Variants in NDUFAF6 observed in about 807,000 individuals in gnomAD.
NDUFAF6 encodes NADH:ubiquinone oxidoreductase complex assembly factor 6.
NDUFAF6 carries 45 observed loss-of-function variants against 40.8 expected under a neutral mutation model. That is an observed-to-expected ratio of 1.10 (90% CI 0.87 to 1.42). The LOEUF is 1.42. Among genes scored for constraint, NDUFAF6 ranks in the 40% most tolerant of loss-of-function variants. NDUFAF6 has a pLI of 0.00. For synonymous variants in NDUFAF6, 185 were observed against 155.9 expected (o/e 1.19, Z -1.39); for missense variants, 435 against 418.5 (o/e 1.04, Z -0.34).
At chr8:95,050,803 A>G (rs560783025) in intron 7 of NDUFAF6, among the ~76,000 whole-genome samples, 1 of 152,300 alleles carries the variant, frequency 6.6e-6, no homozygotes, top group African/African-American at 2.4e-5. Flanking sequence ...ACATTTATAT[A>G]TATATGTATA....
downstream of NDUFAF6, among the ~76,000 whole-genome samples, chr8:95,080,449 GATTTTTGTAGTGT>G (rs758969708): frequency 0.14 from 14,180 of 104,182 alleles, 1,244 homozygotes; most frequent in Middle Eastern, 0.3. Flanking sequence ...TTTTTGTAGT[GATTTTTGTAGTGT>G]ATTTTTGTAG....
chr8:94,912,576 C>T (rs1438419713), intron 1 of NDUFAF6, among the ~76,000 whole-genome samples: 2 of 151,768 alleles, frequency 1.3e-5, no homozygotes, highest in African/African-American at 2.4e-5. Flanking sequence ...GTTGGCAGAT[C>T]ACGAGGTCAA....
In NDUFAF6 at chr8:95,101,908, C is replaced by G. The variant is rs544180675; in HGVS notation, n.230+682C>G. ...CCAGTGCCATCAGGGCCTGGTGTCA[C>G]CTGCCATCTGTGTCATTCACAGTTC... is the stretch of plus-strand genomic sequence containing the variant. On this transcript the variant is annotated intron_variant and non_coding_transcript_variant, in intron 2 of 2. Transcript: ENST00000521063. Among the ~76,000 whole-genome samples the G allele has an allele frequency of 2.0e-5, 3 of 152,332 alleles. No individual in the cohort carries two copies. In the South Asian group the frequency reaches 6.2e-4, roughly 32 times the overall value.
At chr8:95,100,226 A>G (rs1199450716), upstream of NDUFAF6, among the ~76,000 whole-genome samples, 1 of 151,846 alleles carries the variant, frequency 6.6e-6, no homozygotes, top group Non-Finnish European at 1.5e-5. Context: ...TTAGGTTTTA[A>G]AAGTGATTTC....
chr8:95,096,352 C>T (rs896379516), upstream of NDUFAF6, among the ~76,000 whole-genome samples: 4 of 152,122 alleles, frequency 2.6e-5, no homozygotes, highest in East Asian at 7.7e-4. Context: ...GTTTCTCCGC[C>T]TCCCTGCAAC....
chr8:95,004,815 C>T (rs1340769149), intron 2 of NDUFAF6, among the ~76,000 whole-genome samples: 1 of 152,200 alleles, frequency 6.6e-6, no homozygotes, highest in East Asian at 1.9e-4. Context: ...GATTTAGCAA[C>T]TGATTCCCCA....
chr8:94,984,935 C>T (rs73697052), intron 2 of NDUFAF6, among the ~76,000 whole-genome samples: 3,826 of 152,120 alleles, frequency 0.025, 137 homozygotes, highest in African/African-American at 0.086. Flanking sequence ...TACCTCCTGC[C>T]TCAGGTGGCA....
chr8:94,950,549 G>C (rs1263985998), intron 2 of NDUFAF6, among the ~76,000 whole-genome samples: 1 of 152,202 alleles, frequency 6.6e-6, no homozygotes, highest in Non-Finnish European at 1.5e-5. Flanking sequence ...GGTTTTAAAG[G>C]ATGTAAATTG....
chr8:94,913,097 C>A (rs1169649893), intron 1 of NDUFAF6, among the ~76,000 whole-genome samples: 1 of 152,172 alleles, frequency 6.6e-6, no homozygotes, highest in Non-Finnish European at 1.5e-5. Context: ...TATACAGGTT[C>A]AAATTTGGCT....
upstream of NDUFAF6, among the ~76,000 whole-genome samples, chr8:95,022,256 G>A (rs982181493): frequency 2.6e-5 from 4 of 151,470 alleles, no homozygotes; most frequent in East Asian, 1.9e-4. Context: ...TATTTTAATC[G>A]AATGGCTGAT....
chr8:95,098,563 AG>A (rs1809545747), upstream of NDUFAF6, among the ~76,000 whole-genome samples: 1 of 152,190 alleles, frequency 6.6e-6, no homozygotes, highest in South Asian at 2.1e-4. Flanking sequence ...CCAGCTAGTC[AG>A]GGGGCTGAGG....
chr8:94,905,936 C>G (rs768284574), intron 1 of NDUFAF6, among the ~76,000 whole-genome samples: 1 of 152,122 alleles, frequency 6.6e-6, no homozygotes, highest in Non-Finnish European at 1.5e-5. Context: ...CTCATTTCAC[C>G]GAAGATACAG....
rs1398344796 is a variant in NDUFAF6 at position 95,086,613 on chromosome 8, T to C, written n.213+10861T>C. Among the ~76,000 whole-genome samples the C allele has an allele frequency of 2.7e-5, 4 of 150,714 alleles. No individual in the cohort carries two copies. The East Asian group carries it at 5.8e-4, about 22-fold the overall frequency. The stretch of plus-strand genomic sequence containing the variant: ...TTTTTCTTTTCTTTTCTTTTTTTTT[T>C]TTTTTTCGAGACGGAGTTTCCTCTG... On this transcript the variant is annotated intron_variant and non_coding_transcript_variant, in intron 2 of 5. Coordinates refer to the NDUFAF6 transcript ENST00000523184.
chr8:95,058,770 T>C (rs1166838850), downstream of NDUFAF6: 1 of 987,256 alleles, frequency 1.0e-6, no homozygotes, highest in African/African-American at 1.7e-5. Flanking sequence ...GCTGTATACT[T>C]GCATCAGTGT....
rs1825149634 is a variant in NDUFAF6 at position 94,978,454 on chromosome 8, GC to G, written c.-198-2403del. ...AAACAGGCCAAGCATGGTGGCTCAT[GC>G]CTGTAATCCCAACATTTTGGGAGGC... is the stretch of plus-strand genomic sequence containing the variant. On this transcript the variant is annotated intron_variant, in intron 1 of 9. Transcript: ENST00000396111. Among the ~76,000 whole-genome samples the G allele has an allele frequency of 4.6e-5, 7 of 152,232 alleles. No individual in the cohort carries two copies. The South Asian group carries it at 1.5e-3, about 32-fold the overall frequency.
intron 1 of NDUFAF6, among the ~76,000 whole-genome samples, chr8:94,913,613 A>G (rs536471162): frequency 7.2e-5 from 11 of 152,192 alleles, no homozygotes; most frequent in Non-Finnish European, 8.8e-5. Context: ...CCTGGACAAC[A>G]TTGCAAGACC....
Position 95,043,380 on chromosome 8 carries a change from C to T in NDUFAF6, c.477+1754C>T, listed in dbSNP as rs369102076. 9.9e-4 allele frequency among the ~76,000 whole-genome samples: 150 copies of T among 151,838 alleles called. 3 individuals carry two copies. In the Middle Eastern group the frequency reaches 0.014, roughly 14 times the overall value. ...CTGGGATTACAGGCTTGAGCCACCG[C>T]GCCCTAGGCAGTGGTTTTTTAGATG... On this transcript the variant is annotated intron_variant, in intron 4 of 8. Transcript: ENST00000396124.
At chr8:95,021,954 G>C (rs137961527), upstream of NDUFAF6, among the ~76,000 whole-genome samples, 14 of 152,284 alleles carry the variant, frequency 9.2e-5, no homozygotes, top group East Asian at 2.5e-3. Flanking sequence ...TGTCCTAACT[G>C]TGTAGTCCTG....
chr8:95,042,558 G>T (rs1457907115), intron 4 of NDUFAF6, among the ~76,000 whole-genome samples: 2 of 152,186 alleles, frequency 1.3e-5, no homozygotes, highest in Non-Finnish European at 2.9e-5. Context: ...GTAAAGAACT[G>T]TGAACAAACA....
Sources: gnomAD v4.1 joint callset for allele counts (sites outside exome capture counted in the v4.1 genomes callset) on GRCh38, gnomAD v4.1.1 for gene constraint, MANE v1.5 for transcripts, NCBI Gene and HGNC (gene_info 2026-07-23, HGNC 2026-07-21) for gene names.